The following ARHGAP15 variants were observed in gnomAD, a reference collection of about 807,000 sequenced individuals.
The protein encoded by ARHGAP15 is rho GTPase-activating protein 15.
In ARHGAP15, 51 loss-of-function variants were observed where a neutral mutation model predicts 63.7. That is an observed-to-expected ratio of 0.80 (90% confidence interval 0.64 to 1.01). ARHGAP15 has a LOEUF of 1.01. Among genes scored for constraint, ARHGAP15 ranks in the 50% least tolerant of loss-of-function variants. ARHGAP15 has a pLI of 0.00. For missense variants in ARHGAP15, 560 were observed against 564.6 expected (o/e 0.99, Z 0.08); for synonymous variants, 191 against 193.8 (o/e 0.99, Z 0.12).
intron 6 of ARHGAP15, among the ~76,000 whole-genome samples, chr2:143,322,547 T>C (rs1282215843): frequency 1.3e-5 from 2 of 152,162 alleles, no homozygotes; most frequent in Non-Finnish European, 2.9e-5. Flanking sequence ...AAAGGGATAT[T>C]CTTAATAATA....
intron 10 of ARHGAP15, among the ~76,000 whole-genome samples, chr2:143,521,672 G>A (rs763535052): frequency 6.6e-6 from 1 of 152,134 alleles, no homozygotes; most frequent in Non-Finnish European, 1.5e-5. Flanking sequence ...GACCAGTTAT[G>A]GGAAAGGAAC....
chr2:143,595,376 TA>T (rs1250507983), intron 11 of ARHGAP15, among the ~76,000 whole-genome samples: 1 of 152,046 alleles, frequency 6.6e-6, no homozygotes, highest in Non-Finnish European at 1.5e-5. Flanking sequence ...TTATACTAAA[TA>T]AGTATCATTC....
chr2:143,625,923 C>T (rs1559087867), intron 12 of ARHGAP15, among the ~76,000 whole-genome samples: 1 of 152,126 alleles, frequency 6.6e-6, no homozygotes, highest in East Asian at 1.9e-4. Context: ...ATTTAAGCTT[C>T]CTTTAGTTCA....
Position 143,426,262 on chromosome 2 carries a change from C to T in ARHGAP15, c.475-9339C>T, listed in dbSNP as rs539193524. Among the ~76,000 whole-genome samples the T allele has an allele frequency of 2.0e-5, 3 of 152,212 alleles. No individual in the cohort carries two copies. In the South Asian group the frequency reaches 6.2e-4, roughly 32 times the overall value. On this transcript the variant is annotated intron_variant, in intron 6 of 13. Transcript: ENST00000295095. ...GAGTTATTTTTATGTAAATATTGCA[C>T]CTCTTAAATATAATGATGATAATAG... is the stretch of plus-strand genomic sequence containing the variant.
intron 13 of ARHGAP15, among the ~76,000 whole-genome samples, chr2:143,737,651 C>T (rs1489751994): frequency 1.3e-5 from 2 of 152,122 alleles, no homozygotes; most frequent in African/African-American, 4.8e-5. Flanking sequence ...TTCTGACTGG[C>T]CAAATGCATG....
At chr2:143,328,434 G>T (rs1056154557) in intron 6 of ARHGAP15, among the ~76,000 whole-genome samples, 1 of 152,116 alleles carries the variant, frequency 6.6e-6, no homozygotes, top group African/African-American at 2.4e-5. Flanking sequence ...CATGTCCTCT[G>T]CAGGGACATG....
At chr2:143,427,211 T>C (rs1271997199) in intron 6 of ARHGAP15, among the ~76,000 whole-genome samples, 1 of 152,200 alleles carries the variant, frequency 6.6e-6, no homozygotes, top group Non-Finnish European at 1.5e-5. Context: ...ACATCTTTTA[T>C]TCTTGTTGTA....
intron 12 of ARHGAP15, among the ~76,000 whole-genome samples, chr2:143,654,363 A>G (rs1263102275): frequency 2.0e-5 from 3 of 152,214 alleles, no homozygotes; most frequent in Non-Finnish European, 4.4e-5. Context: ...TGAGGTCACT[A>G]TAACTTACTC....
intron 6 of ARHGAP15, among the ~76,000 whole-genome samples, chr2:143,324,268 A>G (rs1684157831): frequency 6.6e-6 from 1 of 152,032 alleles, no homozygotes; most frequent in African/African-American, 2.4e-5. Context: ...TTTTTTTTAC[A>G]TTTTGTTTTT....
chr2:143,454,595 G>C (rs1402268762), intron 8 of ARHGAP15, among the ~76,000 whole-genome samples: 1 of 152,044 alleles, frequency 6.6e-6, no homozygotes, highest in Non-Finnish European at 1.5e-5. Context: ...CAACCAGAAA[G>C]ATCAGCCAAT....
At chr2:143,683,969 A>AAGAC in intron 12 of ARHGAP15, among the ~76,000 whole-genome samples, 1 of 152,332 alleles carries the variant, frequency 6.6e-6, no homozygotes, top group Admixed American at 6.5e-5. Flanking sequence ...ATAATTTCTG[A>AAGAC]AGACAAAAAA....
At chr2:143,585,735 T>A (rs4662343) in intron 11 of ARHGAP15, among the ~76,000 whole-genome samples, 47,452 of 152,036 alleles carry the variant, frequency 0.31, 8,178 homozygotes, top group East Asian at 0.42. Flanking sequence ...GTACAATTAT[T>A]CTTCCTTCCA....
At chr2:143,586,282 G>A (rs1697104596) in intron 11 of ARHGAP15, among the ~76,000 whole-genome samples, 1 of 152,040 alleles carries the variant, frequency 6.6e-6, no homozygotes, top group Non-Finnish European at 1.5e-5. Flanking sequence ...GACTAAGTGT[G>A]TCACTTTAGT....
intron 3 of ARHGAP15, among the ~76,000 whole-genome samples, chr2:143,207,432 A>G (rs1692375211): frequency 6.6e-6 from 1 of 151,310 alleles, no homozygotes; most frequent in African/African-American, 2.4e-5. Flanking sequence ...ATACCCGAAT[A>G]TTTTTCTGTT....
At chr2:143,497,942 CAT>C (rs770747031) in intron 9 of ARHGAP15, among the ~76,000 whole-genome samples, 5 of 152,118 alleles carry the variant, frequency 3.3e-5, no homozygotes, top group Non-Finnish European at 4.4e-5. Flanking sequence ...TCAGAGCTCT[CAT>C]AACTCAGATA....
chr2:143,478,451 C>T (rs1691925265), intron 8 of ARHGAP15, among the ~76,000 whole-genome samples: 1 of 152,216 alleles, frequency 6.6e-6, no homozygotes, highest in African/African-American at 2.4e-5. Context: ...ATTACCATCT[C>T]TCTATGTCCT....
intron 8 of ARHGAP15, 42 bp downstream of exon 8, chr2:143,437,084 A>G (rs1689647343): frequency 6.4e-6 from 10 of 1,567,596 alleles, no homozygotes; most frequent in East Asian, 2.3e-5. Context: ...GTTTGTCTAA[A>G]TGCAGTGCTT....
At position 143,536,806 on chromosome 2, in the gene ARHGAP15, C is replaced by T. The variant is rs1232111390; in HGVS notation, c.925+17442C>T. ...CATTTGGGTTGGTTCCAAGTCTTTG[C>T]TATTGTGAATAGTGCCGCAATAAAC... On this transcript the variant is annotated intron_variant, in intron 10 of 13. Coordinates refer to ENST00000295095, the MANE Select transcript of ARHGAP15 (RefSeq NM_018460.4). Among the ~76,000 whole-genome samples, 4 of 151,940 alleles carry T rather than the reference C, an allele frequency of 2.6e-5. No individual in the cohort carries two copies. In the East Asian group the frequency reaches 7.7e-4, roughly 29 times the overall value.
Position 143,346,258 on chromosome 2 carries a change from A to T in ARHGAP15, c.475-89343A>T, listed in dbSNP as rs865817363. ...CTCTCACACACACACACTCACACACACACACACACACACACACTCACAAAC... is the reference window on the plus strand; with the variant it reads ...CTCTCACACACACACACTCACACACTCACACACACACACACACTCACAAAC... On this transcript the variant is annotated intron_variant, in intron 6 of 13. Transcript: ENST00000295095. Among the ~76,000 whole-genome samples the T allele has an allele frequency of 4.1e-5, 6 of 148,054 alleles. No individual in the cohort carries two copies. In the East Asian group the frequency reaches 7.9e-4, roughly 19 times the overall value.
Sources: gnomAD v4.1 joint callset for allele counts (sites outside exome capture counted in the v4.1 genomes callset) on GRCh38, gnomAD v4.1.1 for gene constraint, MANE v1.5 for transcripts, NCBI Gene and HGNC (gene_info 2026-07-23, HGNC 2026-07-21) for gene names.